The following LRIF1 variants were observed in gnomAD, a reference collection of about 807,000 sequenced individuals.
LRIF1 encodes the protein ligand dependent nuclear receptor interacting factor 1, also known as ligand-dependent nuclear receptor-interacting factor 1.
LRIF1 carries 32 observed loss-of-function variants against 52.7 expected under a neutral mutation model. The observed-to-expected ratio is 0.61, with a 90% CI of 0.46 to 0.82. The LOEUF (loss-of-function observed/expected upper bound fraction) is 0.82. Among genes scored for constraint, LRIF1 ranks in the 40% least tolerant of loss-of-function variants. The pLI is 0.00. For synonymous variants in LRIF1, 323 were observed against 317.4 expected (o/e 1.02, Z -0.19); for missense variants, 887 against 892.0 (o/e 0.99, Z 0.07).
At chr1:110,942,793 G>A (rs1658122345), downstream of LRIF1, among the ~76,000 whole-genome samples, 1 of 152,098 alleles carries the variant, frequency 6.6e-6, no homozygotes, top group African/African-American at 2.4e-5. Context: ...ATAACCAGAA[G>A]CTGATTTTGG....
the LRIF1 span, chr1:110,894,291 G>A: frequency 1.3e-6 from 2 of 1,583,264 alleles, no homozygotes; most frequent in African/African-American, 2.7e-5. Flanking sequence ...CGAGAATGGG[G>A]ATCAGTGCTG....
chr1:110,958,404 T>C (rs1271849072), intron 1 of LRIF1, among the ~76,000 whole-genome samples: 3 of 152,208 alleles, frequency 2.0e-5, no homozygotes, highest in East Asian at 3.8e-4. Flanking sequence ...GCTATTAATG[T>C]TGGAAATTAT....
At chr1:110,877,392 C>T in the LRIF1 span, among the ~76,000 whole-genome samples, 4 of 152,154 alleles carry the variant, frequency 2.6e-5, no homozygotes, top group African/African-American at 7.2e-5. Context: ...CGAGGGACCC[C>T]GTATGTAAAG....
chr1:110,882,427 T>C, the LRIF1 span, among the ~76,000 whole-genome samples: 3 of 152,114 alleles, frequency 2.0e-5, no homozygotes, highest in African/African-American at 7.2e-5. Flanking sequence ...TTCTGTTCTC[T>C]TGATATATTT....
the LRIF1 span, among the ~76,000 whole-genome samples, chr1:110,881,071 G>C: frequency 4.3e-4 from 66 of 152,314 alleles, no homozygotes; most frequent in Admixed American, 2.1e-3. Context: ...TACAGGGGGT[G>C]TTGCCATGAG....
At chr1:110,917,772 G>A in the LRIF1 span, among the ~76,000 whole-genome samples, 12 of 151,980 alleles carry the variant, frequency 7.9e-5, no homozygotes, top group South Asian at 2.3e-3. Context: ...GGTGATATAG[G>A]TAAGGGACTG....
At chr1:110,957,359 G>C (rs1326836501) in intron 1 of LRIF1, among the ~76,000 whole-genome samples, 1 of 148,272 alleles carries the variant, frequency 6.7e-6, no homozygotes, top group Non-Finnish European at 1.5e-5. Flanking sequence ...TGTAGTCCCA[G>C]CTACTCAGGA....
At chr1:110,897,774 A>G in the LRIF1 span, 1 of 1,251,212 alleles carries the variant, frequency 8.0e-7, no homozygotes, top group South Asian at 1.2e-5. Flanking sequence ...GTGGAATTAT[A>G]GAGTAGTATC....
rs2232047 is a variant in LRIF1 at position 110,948,346 on chromosome 1, T to C, written c.1923A>G (p.Ile641Met). ...KAKTNKKMDHIKKRKTENAYN... is the reference protein window; with the variant it reads ...KAKTNKKMDHMKKRKTENAYN... ...AAGCATTCTCTGTTTTTCTCTTCTT[T>C]ATGTGATCCATCTTCTTATTAGTTT... The change falls in exon 4 of 4, where the codon ATA becomes ATG. Residue 641 changes from isoleucine to methionine, a missense_variant. Physicochemically the swap from Ile to Met is conservative, Grantham distance 10. Coordinates refer to ENST00000369763, the MANE Select transcript of LRIF1 (RefSeq NM_018372.4). The C allele has an allele frequency of 6.2e-7, 1 of 1,613,986 alleles. No homozygotes were observed. The highest frequency in any genetic ancestry group is 2.2e-5 in the East Asian group (1 of 44,868).
At chr1:110,895,808 T>C in the LRIF1 span, among the ~76,000 whole-genome samples, 3 of 152,188 alleles carry the variant, frequency 2.0e-5, no homozygotes, top group Non-Finnish European at 4.4e-5. Flanking sequence ...ATAGTTAACA[T>C]TTTCCAGTGT....
At chr1:110,951,170 CTG>C in intron 2 of LRIF1, 116 bp downstream of exon 2, 1 of 800,120 alleles carries the variant, frequency 1.2e-6, no homozygotes, top group South Asian at 1.8e-5. Context: ...TGTGTATAGT[CTG>C]TGTGTGATGG....
chr1:110,913,751 AACACAG>A, the LRIF1 span, among the ~76,000 whole-genome samples: 1 of 152,224 alleles, frequency 6.6e-6, no homozygotes, highest in Admixed American at 6.5e-5. Context: ...CAAAATACTT[AACACAG>A]AAGTACCATT....
chr1:110,926,530 G>T, the LRIF1 span, among the ~76,000 whole-genome samples: 1 of 151,708 alleles, frequency 6.6e-6, no homozygotes. Flanking sequence ...TATATCAAAA[G>T]ATTAAGAAAC....
At chr1:110,913,795 A>G in the LRIF1 span, among the ~76,000 whole-genome samples, 1 of 152,332 alleles carries the variant, frequency 6.6e-6, no homozygotes, top group South Asian at 2.1e-4. Flanking sequence ...TACTGGGTAT[A>G]TACCCAAAAT....
the LRIF1 span, chr1:110,899,129 G>C: frequency 6.2e-7 from 1 of 1,613,492 alleles, no homozygotes; most frequent in East Asian, 2.2e-5. Context: ...CACAGGTGTT[G>C]GGGATGTCCT....
chr1:110,951,981 C>T lies in LRIF1; in HGVS notation c.903G>A (p.Thr301=), dbSNP rs1430013971. 6 of 1,613,942 alleles carry T rather than the reference C, an allele frequency of 3.7e-6. No individual in the cohort carries two copies. The highest frequency in any genetic ancestry group is 1.3e-5 in the African/African-American group (1 of 74,902). Residue 301 remains threonine, a synonymous_variant, in exon 2 of 4, where the codon ACG becomes ACA. Coordinates refer to ENST00000369763, the MANE Select transcript of LRIF1 (RefSeq NM_018372.4). ...AAGACTTAACAGGAACAAGAGATGG[C>T]GTAAAAGGCTGTAGATTATCTTGGA... ...WIFQDNLQPF[T]PSLVPVKSSN...
chr1:110,883,688 T>C, the LRIF1 span, among the ~76,000 whole-genome samples: 1 of 151,982 alleles, frequency 6.6e-6, no homozygotes, highest in Non-Finnish European at 1.5e-5. Context: ...GTTTTCTTTA[T>C]GGGAAGACTT....
chr1:110,876,515 C>G, the LRIF1 span, among the ~76,000 whole-genome samples: 1 of 152,080 alleles, frequency 6.6e-6, no homozygotes, highest in South Asian at 2.1e-4. Flanking sequence ...TTCAGGAGAA[C>G]TAGATTGAGG....
the LRIF1 span, among the ~76,000 whole-genome samples, chr1:110,907,502 C>A: frequency 6.6e-6 from 1 of 152,100 alleles, no homozygotes; most frequent in African/African-American, 2.4e-5. Flanking sequence ...GTAATCCCAG[C>A]ACTTTGGGAG....
Sources: allele counts gnomAD v4.1 joint callset (sites outside exome capture counted in the v4.1 genomes callset), GRCh38; gene constraint gnomAD v4.1.1; transcripts MANE v1.5; gene names NCBI Gene and HGNC (gene_info 2026-07-23, HGNC 2026-07-21).